The following MARF1 variants were observed in gnomAD, a reference collection of about 807,000 sequenced individuals.
MARF1 encodes limkain-b1.
MARF1 carries 24 observed loss-of-function variants against 168.2 expected under a neutral mutation model. The ratio of observed to expected loss-of-function variants is 0.14; its 90% CI spans 0.10 to 0.20. The LOEUF (loss-of-function observed/expected upper bound fraction) is 0.20, where lower values mean the gene tolerates loss of function less well. Ranked by LOEUF, MARF1 falls within the 10% of genes least tolerant of loss-of-function variation. The pLI, the probability that MARF1 is intolerant of heterozygous loss-of-function variation, is 1.00. For missense variants in MARF1, 1,744 were observed against 2,143.6 expected (o/e 0.81, Z 3.68); for synonymous variants, 868 against 822.4 (o/e 1.06, Z -0.95).
Position 15,608,335 on chromosome 16 carries a change from T to C in MARF1, c.4138A>G (p.Ser1380Gly), listed in dbSNP as rs2033204693. The C allele has an allele frequency of 1.2e-6, 2 of 1,611,660 alleles. No individual in the cohort carries two copies. Among genetic ancestry groups the C allele is most frequent in the East Asian group, 2.2e-5 (1 of 44,796 alleles). Residue 1380 changes from serine (S) to glycine (G), a missense_variant, in exon 21 of 27, where the codon AGT becomes GGT. By Grantham distance (56) the Ser-to-Gly change is moderately conservative. Transcript: ENST00000396368. ...YTFRLQDYDVSSISALTQKLC... is the reference protein window; with the variant it reads ...YTFRLQDYDVGSISALTQKLC... ...TTCTGAGTTAAAGCCGAAATGGAAC[T>C]GACATCATAGTCTTGGAGACGAAAT...
At chr16:15,623,167 T>G (rs894061292) in intron 10 of MARF1, 44 bp from the exon 11 acceptor site, 1 of 1,443,922 alleles carries the variant, frequency 6.9e-7, no homozygotes, top group Non-Finnish European at 9.4e-7. Flanking sequence ...AAAACTGTTC[T>G]GTATATTTAG....
At chr16:15,630,750 C>A (rs2035197300) in intron 6 of MARF1, among the ~76,000 whole-genome samples, 5 of 150,286 alleles carry the variant, frequency 3.3e-5, no homozygotes, top group Admixed American at 3.3e-4. Context: ...TGGGGAGACT[C>A]AAATTTGAAA....
intron 3 of MARF1, 142 bp from the exon 4 acceptor site, chr16:15,635,073 T>C: frequency 1.5e-6 from 1 of 645,600 alleles, no homozygotes; most frequent in Non-Finnish European, 2.6e-6. Context: ...TTTCAAATAA[T>C]CTTTCCAAGA....
At chr16:15,613,375 C>T (rs553245715) in intron 16 of MARF1, among the ~76,000 whole-genome samples, 32 of 152,054 alleles carry the variant, frequency 2.1e-4, no homozygotes, top group Non-Finnish European at 4.4e-4. Flanking sequence ...GCTTGCTGGT[C>T]GCGGCGGCTC....
At chr16:15,637,228 T>C (rs1164255388) in intron 2 of MARF1, among the ~76,000 whole-genome samples, 4 of 152,178 alleles carry the variant, frequency 2.6e-5, no homozygotes, top group Admixed American at 1.3e-4. Context: ...ATAGACCACC[T>C]GGCACAGTAC....
chr16:15,624,787 G>A lies in MARF1; in HGVS notation c.2252C>T (p.Ser751Phe). Residue 751 changes from serine (S) to phenylalanine (F), a missense_variant, in exon 10 of 27, where the codon TCT becomes TTT. Ser to Phe is a radical substitution (Grantham distance 155, BLOSUM62 -2). Around this residue, in one of 7 missense-constraint regions of MARF1, gnomAD observed 270 missense variants for 260.6 expected, o/e 1.04. Coordinates refer to ENST00000396368, the MANE Select transcript of MARF1 (RefSeq NM_014647.4). ...ASRQVSPLLA[S>F]QSWSSRSMSP... The stretch of plus-strand genomic sequence containing the variant: ...GACTCACCTAGAAGACCAAGACTGA[G>A]ATGCGAGCAGAGGACTGACTTGCCT... 1.2e-6 allele frequency: 2 copies of A among 1,614,176 alleles called. No homozygotes were observed. Among genetic ancestry groups the A allele is most frequent in the South Asian group, 1.1e-5 (1 of 91,074 alleles).
chr16:15,636,543 C>A (rs1029340478), intron 2 of MARF1, among the ~76,000 whole-genome samples: 6 of 152,146 alleles, frequency 3.9e-5, no homozygotes, highest in African/African-American at 1.4e-4. Context: ...CACTGGAACA[C>A]ACAACTAAAA....
intron 7 of MARF1, among the ~76,000 whole-genome samples, chr16:15,627,358 G>A (rs558067845): frequency 7.2e-5 from 11 of 152,140 alleles, no homozygotes; most frequent in Admixed American, 1.3e-4. Context: ...GGTGGCTCAC[G>A]CCTGTAATCC....
At chr16:15,625,303 G>A (rs781745566) in intron 8 of MARF1, 69 bp downstream of exon 8, 33 of 1,545,524 alleles carry the variant, frequency 2.1e-5, no homozygotes, top group East Asian at 4.5e-5. Context: ...AAAAGCAAGC[G>A]GGCACGTAAA....
intron 19 of MARF1, among the ~76,000 whole-genome samples, chr16:15,610,750 T>C (rs904199189): frequency 3.3e-5 from 5 of 152,146 alleles, no homozygotes; most frequent in Non-Finnish European, 5.9e-5. Flanking sequence ...TGCCCCTTTT[T>C]CCCCTTAGAG....
At position 15,596,903 on chromosome 16, in the gene MARF1, C is replaced by A. The variant is rs2031764788; in HGVS notation, c.5019G>T (p.Glu1673Asp). 5.0e-6 allele frequency: 8 copies of A among 1,609,550 alleles called. No individual in the cohort carries two copies. Among genetic ancestry groups the A allele is most frequent in the Non-Finnish European group, 6.8e-6 (8 of 1,177,156 alleles). The change falls in exon 27 of 27, where the codon GAG becomes GAT. Residue 1673 changes from glutamate to aspartate, a missense_variant. Glu to Asp is a conservative substitution (Grantham distance 45). This residue lies in a region of MARF1 where 313 missense variants were observed against 337.4 expected (regional missense o/e 0.93). Transcript: ENST00000396368. ...IMILNQEEKM[E>D]IPIPGKSKTL... ...TTTTGCTCTTTCCTGGTATTGGAAT[C>A]TCCATTTTTTCTTCTTGGTTTAAAA... is the stretch of plus-strand genomic sequence containing the variant.
rs141062942 is a variant in MARF1 at position 15,632,951 on chromosome 16, T to A, written c.1233+666A>T. Among the ~76,000 whole-genome samples the A allele has an allele frequency of 4.6e-4, 70 of 152,216 alleles. No individual in the cohort carries two copies. The East Asian group carries it at 0.012, about 25-fold the overall frequency. ...TTGTGAATTATATATTCTACGTGCC[T>A]GGTTCAAAGAGCAGTAATGAAAATC... On this transcript the variant is annotated intron_variant, in intron 5 of 26. Transcript: ENST00000396368.
At chr16:15,626,752 G>C (rs950699339) in intron 7 of MARF1, among the ~76,000 whole-genome samples, 42 of 152,118 alleles carry the variant, frequency 2.8e-4, no homozygotes, top group African/African-American at 9.9e-4. Context: ...CTGAGGTCAA[G>C]AGTTGGCGAC....
chr16:15,639,315 A>C, intron 1 of MARF1, 24 bp from the exon 2 acceptor site: 26 of 1,475,914 alleles, frequency 1.8e-5, no homozygotes, highest in Non-Finnish European at 2.4e-5. Context: ...GTAAGATTTC[A>C]GTGTTATTTC....
Position 15,622,006 on chromosome 16 carries a change from C to A in MARF1, c.2461-95G>T. 7.1e-6 allele frequency: 8 copies of A among 1,125,024 alleles called. No individual in the cohort carries two copies. The South Asian group carries it at 1.2e-4, about 17-fold the overall frequency. The allele number at this position is 1,125,024 out of a possible 1,614,324, so 69.7% of individuals were successfully genotyped here. ...AACCATGAAGGAACACATTTGTCGA[C>A]TGCAGCGCTTCCATGAAGGAGTATG... is the stretch of plus-strand genomic sequence containing the variant. On this transcript the variant is annotated intron_variant, in intron 11 of 26. Transcript: ENST00000396368.
intron 21 of MARF1, among the ~76,000 whole-genome samples, chr16:15,605,270 G>C (rs2032906598): frequency 6.6e-6 from 1 of 152,128 alleles, no homozygotes; most frequent in Non-Finnish European, 1.5e-5. Context: ...TTTCCTGCCA[G>C]GGCCAAAGGT....
intron 10 of MARF1, 24 bp from the exon 11 acceptor site, chr16:15,623,147 A>G (rs1199599754): frequency 2.6e-6 from 4 of 1,525,180 alleles, no homozygotes; most frequent in South Asian, 2.5e-5. Context: ...ACATATTGAC[A>G]TTATTTTAAA....
chr16:15,624,316 T>A (rs2034682316), intron 10 of MARF1, among the ~76,000 whole-genome samples: 1 of 152,232 alleles, frequency 6.6e-6, no homozygotes, highest in Non-Finnish European at 1.5e-5. Flanking sequence ...CCTTACGGCT[T>A]CTCTGTCTCC....
At position 15,598,994 on chromosome 16, in the gene MARF1, C is replaced by T. The variant is rs201631270; in HGVS notation, c.4844G>A (p.Arg1615His). ...GTCGACGGGGGAGTCGTCGGTCAGG[C>T]GGAGAAGCTCCTGCTCTGTGTGACT... ...GPSHTEQELLRLTDDSPVDLL... is the reference protein window; with the variant it reads ...GPSHTEQELLHLTDDSPVDLL... The change falls in exon 26 of 27, where the codon CGC (arginine) becomes CAC (histidine). Residue 1615 changes from arginine (R) to histidine (H), a missense_variant. By Grantham distance (29) the Arg-to-His change is conservative. Transcript: ENST00000396368. 6.9e-5 allele frequency: 111 copies of T among 1,610,514 alleles called. No individual in the cohort carries two copies. In the East Asian group the frequency reaches 2.3e-3, roughly 33 times the overall value.
Sources: allele counts gnomAD v4.1 joint callset (sites outside exome capture counted in the v4.1 genomes callset), GRCh38; gene constraint gnomAD v4.1.1; regional missense constraint gnomAD v4.1.1; transcripts MANE v1.5; gene names NCBI Gene and HGNC (gene_info 2026-07-23, HGNC 2026-07-21).